EVI2B: variants seen among roughly 807,000 people sequenced by gnomAD.
The protein encoded by EVI2B is ecotropic viral integration site 2B.
In EVI2B, 4 loss-of-function variants were observed where a neutral mutation model predicts 6.6. That is an observed-to-expected ratio of 0.61 (90% CI 0.30 to 1.39). The LOEUF is 1.39. Among genes scored for constraint, EVI2B ranks in the 40% most tolerant of loss-of-function variants. The pLI is 0.08. For synonymous variants in EVI2B, 181 were observed against 186.8 expected, an observed-to-expected ratio of 0.97 and a Z score of 0.25; for missense variants, 484 against 516.6, an observed-to-expected ratio of 0.94 and a Z score of 0.61.
chr17:31,311,198 C>T (rs1180313045), intron 1 of EVI2B, among the ~76,000 whole-genome samples: 1 of 151,904 alleles, frequency 6.6e-6, no homozygotes, highest in Non-Finnish European at 1.5e-5. Flanking sequence ...AGTGACCCAC[C>T]CACCTTGGCC....
rs2068672307 is a variant in EVI2B at position 31,304,998 on chromosome 17, A to C, written c.612T>G (p.Ala204=). ...TCAGAAGTACACCAATTAGTATGGC[A>C]GCTATTGAATTATAATTGTTTTTTT... The part of the protein sequence containing the change: ...TPQKNNYNSI[A]AILIGVLLTS... The change falls in exon 2 of 2, where the codon GCT becomes GCG. Residue 204 remains alanine (A), a synonymous_variant. Coordinates refer to ENST00000330927, the MANE Select transcript of EVI2B (RefSeq NM_006495.4). 1 of 1,614,072 alleles carries C rather than the reference A, an allele frequency of 6.2e-7. No homozygotes were observed. Among genetic ancestry groups the C allele is most frequent in the Non-Finnish European group, 8.5e-7 (1 of 1,180,040 alleles).
chr17:31,307,971 G>A, intron 1 of EVI2B: 2 of 1,245,658 alleles, frequency 1.6e-6, no homozygotes, highest in South Asian at 1.3e-5. Context: ...TGTTTTAGTA[G>A]AAGAAAAGAT....
intron 1 of EVI2B, among the ~76,000 whole-genome samples, chr17:31,306,366 C>T (rs764543694): frequency 2.0e-5 from 3 of 151,968 alleles, no homozygotes; most frequent in Non-Finnish European, 4.4e-5. Flanking sequence ...ATTTGTGTGA[C>T]TTCTTGGTGG....
In EVI2B at chr17:31,304,298, C is replaced by A; in HGVS notation, c.1312G>T (p.Glu438Ter). The change falls in exon 2 of 2, where the codon GAA (glutamate) becomes TAA (stop). Residue 438 changes from glutamate (E) to a stop codon, truncating the protein, a stop_gained. Coordinates refer to ENST00000330927, the MANE Select transcript of EVI2B (RefSeq NM_006495.4). LOFTEE classifies it high-confidence loss of function. Reference protein sequence around the residue: ...IPPNSDQDLNESLPPPPAELL With the variant: ...IPPNSDQDLN ...TCTGCAGGTGGAGGTGGCAGGGATT[C>A]ATTAAGATCTTGATCAGAGTTGGGA... The A allele has an allele frequency of 6.2e-7, 1 of 1,612,962 alleles. No homozygotes were observed. Among genetic ancestry groups the A allele is most frequent in the Non-Finnish European group, 8.5e-7 (1 of 1,179,548 alleles).
chr17:31,313,306 G>T (rs2068929799), intron 1 of EVI2B, among the ~76,000 whole-genome samples: 1 of 152,080 alleles, frequency 6.6e-6, no homozygotes, highest in Non-Finnish European at 1.5e-5. Context: ...ATATTTTGGA[G>T]GTTATAAATT....
intron 1 of EVI2B, among the ~76,000 whole-genome samples, chr17:31,313,319 G>A (rs1368357016): frequency 6.6e-6 from 1 of 152,168 alleles, no homozygotes; most frequent in Admixed American, 6.5e-5. Flanking sequence ...TATAAATTCA[G>A]TCATAGCCTG....
chr17:31,304,124 A>G lies in EVI2B; in HGVS notation c.*139T>C. ...TTAAAAAAAAGTTTCATCTATGCAC[A>G]TAGGCTCTGAGCAGATTTCAGATAG... On this transcript the variant is annotated 3_prime_UTR_variant, in exon 2 of 2. Coordinates refer to ENST00000330927, the MANE Select transcript of EVI2B (RefSeq NM_006495.4). The G allele has an allele frequency of 1.2e-6, 1 of 843,264 alleles. No homozygotes were observed. The highest frequency in any genetic ancestry group is 1.8e-6 in the Non-Finnish European group (1 of 555,226). The allele number at this position is 843,264 out of a possible 1,614,324, so 52.2% of individuals were successfully genotyped here.
chr17:31,313,288 A>C (rs1270964191), intron 1 of EVI2B, among the ~76,000 whole-genome samples: 1 of 152,234 alleles, frequency 6.6e-6, no homozygotes, highest in Non-Finnish European at 1.5e-5. Flanking sequence ...TAGAACTTTT[A>C]ACAATTAATA....
intron 1 of EVI2B, chr17:31,307,974 G>A: frequency 8.1e-7 from 1 of 1,228,364 alleles, no homozygotes; most frequent in Non-Finnish European, 1.1e-6. Flanking sequence ...TTTAGTAGAA[G>A]AAAAGATATG....
chr17:31,308,008 A>C, intron 1 of EVI2B: 4 of 962,106 alleles, frequency 4.2e-6, no homozygotes, highest in Non-Finnish European at 5.7e-6. Flanking sequence ...TATACGAATA[A>C]TTCAAGCCTG....
Position 31,304,869 on chromosome 17 carries a change from T to C in EVI2B, c.741A>G (p.Gly247=). ...TATCCATACAAATGTCAGGGGTTTC[T>C]CCATCAGCAAATGGAGATCTACCTG... ...NWAGRSPFAD[G]ETPDICMDNI... Residue 247 remains glycine (G), a synonymous_variant, in exon 2 of 2, where the codon GGA becomes GGG. Coordinates refer to ENST00000330927, the MANE Select transcript of EVI2B (RefSeq NM_006495.4). 1 of 1,614,036 alleles carries C rather than the reference T, an allele frequency of 6.2e-7. No homozygotes were observed. The highest frequency in any genetic ancestry group is 1.1e-5 in the South Asian group (1 of 91,072).
At position 31,304,866 on chromosome 17, in the gene EVI2B, T is replaced by A. The variant is rs745805113; in HGVS notation, c.744A>T (p.Glu248Asp). The A allele has an allele frequency of 2.5e-6, 4 of 1,614,034 alleles. No homozygotes were observed. The highest frequency in any genetic ancestry group is 1.1e-5 in the South Asian group (1 of 91,078). ...WAGRSPFADG[E>D]TPDICMDNIR... ...TGTTATCCATACAAATGTCAGGGGT[T>A]TCTCCATCAGCAAATGGAGATCTAC... The change falls in exon 2 of 2, where the codon GAA becomes GAT. Residue 248 changes from glutamate to aspartate, a missense_variant. Coordinates refer to ENST00000330927, the MANE Select transcript of EVI2B (RefSeq NM_006495.4).
intron 1 of EVI2B, among the ~76,000 whole-genome samples, chr17:31,307,561 A>G (rs2068757398): frequency 6.6e-6 from 1 of 152,230 alleles, no homozygotes; most frequent in Admixed American, 6.5e-5. Context: ...TTGGAGAGTT[A>G]AGTTTCAGTT....
intron 1 of EVI2B, among the ~76,000 whole-genome samples, chr17:31,310,114 G>T (rs569813978): frequency 2.6e-5 from 4 of 152,138 alleles, no homozygotes; most frequent in Non-Finnish European, 5.9e-5. Context: ...AGGTTATTTA[G>T]CATACACATT....
chr17:31,310,833 T>A (rs970851614), intron 1 of EVI2B, among the ~76,000 whole-genome samples: 2 of 152,326 alleles, frequency 1.3e-5, no homozygotes, highest in Middle Eastern at 3.4e-3. Context: ...TGATTTTGGT[T>A]CTTTTTCTTT....
Position 31,304,606 on chromosome 17 carries a change from T to A in EVI2B, c.1004A>T (p.Asp335Val). The A allele has an allele frequency of 6.2e-7, 1 of 1,614,142 alleles. No homozygotes were observed. The highest frequency in any genetic ancestry group is 8.5e-7 in the Non-Finnish European group (1 of 1,180,014). Residue 335 changes from aspartate to valine, a missense_variant, in exon 2 of 2, where the codon GAT becomes GTT. Coordinates refer to ENST00000330927, the MANE Select transcript of EVI2B (RefSeq NM_006495.4). ...TVGTAVSSSD[D>V]ADLPPPPPLL... Reference sequence around the variant, plus strand: ...GGGAGGTGGTGGAGGCAGATCTGCATCATCTGAAGAAGAAACAGCAGTTCC... The same window carrying A: ...GGGAGGTGGTGGAGGCAGATCTGCAACATCTGAAGAAGAAACAGCAGTTCC...
In EVI2B at chr17:31,306,875, C is replaced by T. The variant is rs560479963; in HGVS notation, c.-21-1245G>A. ...ATAGAAGCAAACAGTAAAGGCCAGG[C>T]GTAGTGGCTCATTCCTGTAATCCCA... is the stretch of plus-strand genomic sequence containing the variant. On this transcript the variant is annotated intron_variant, in intron 1 of 1. Transcript: ENST00000330927. 5.9e-5 allele frequency among the ~76,000 whole-genome samples: 9 copies of T among 151,778 alleles called. No individual in the cohort carries two copies. The South Asian group carries it at 1.0e-3, about 18-fold the overall frequency.
intron 1 of EVI2B, among the ~76,000 whole-genome samples, chr17:31,312,450 G>A (rs2068901468): frequency 6.6e-6 from 1 of 151,318 alleles, no homozygotes; most frequent in Non-Finnish European, 1.5e-5. Flanking sequence ...GGCGGAGGTT[G>A]CAGTGAGCCT....
chr17:31,304,249 G>T lies in EVI2B; in HGVS notation c.*14C>A. ...TTGAGGATGGAAGATCAGCTAAAAA[G>T]CAAGTTGTAATATTTATAACAGTTC... On this transcript the variant is annotated 3_prime_UTR_variant, in exon 2 of 2. Coordinates refer to ENST00000330927, the MANE Select transcript of EVI2B (RefSeq NM_006495.4). 1 of 1,562,270 alleles carries T rather than the reference G, an allele frequency of 6.4e-7. No homozygotes were observed. Among genetic ancestry groups the T allele is most frequent in the African/African-American group, 1.4e-5 (1 of 72,798 alleles).
Sources: allele counts gnomAD v4.1 joint callset (sites outside exome capture counted in the v4.1 genomes callset), GRCh38; gene constraint gnomAD v4.1.1; transcripts MANE v1.5; gene names NCBI Gene and HGNC (gene_info 2026-07-23, HGNC 2026-07-21).